Variants in FARS2 observed in about 807,000 individuals in gnomAD.
FARS2 encodes the protein phenylalanine--tRNA ligase, mitochondrial.
A neutral mutation model predicts 46.4 loss-of-function variants in FARS2; 40 were observed. That is an observed-to-expected ratio of 0.86 (90% CI 0.67 to 1.12). The LOEUF (loss-of-function observed/expected upper bound fraction) is 1.12, where lower values mean the gene tolerates loss of function less well. Among genes scored for constraint, FARS2 ranks in the 50% most tolerant of loss-of-function variants. FARS2 has a pLI of 0.00. For missense variants in FARS2, 513 were observed against 567.9 expected, an observed-to-expected ratio of 0.90 and a Z score of 0.98; for synonymous variants, 234 against 214.9, an observed-to-expected ratio of 1.09 and a Z score of -0.78.
chr6:5,331,808 C>G (rs1770816643), intron 1 of FARS2, among the ~76,000 whole-genome samples: 1 of 152,182 alleles, frequency 6.6e-6, no homozygotes, highest in Non-Finnish European at 1.5e-5. Context: ...TCTATAGTCG[C>G]TGGTCTTGGA....
At chr6:5,285,496 A>C (rs912785473) in intron 1 of FARS2, among the ~76,000 whole-genome samples, 1 of 152,166 alleles carries the variant, frequency 6.6e-6, no homozygotes, top group Admixed American at 6.5e-5. Context: ...TACTTTTGAG[A>C]GACTCGTAAA....
At chr6:5,577,568 G>A (rs1254378494) in intron 5 of FARS2, among the ~76,000 whole-genome samples, 1 of 152,134 alleles carries the variant, frequency 6.6e-6, no homozygotes, top group African/African-American at 2.4e-5. Context: ...TGTTGAACTT[G>A]ATGTACTTTT....
intron 6 of FARS2, among the ~76,000 whole-genome samples, chr6:5,754,151 T>C (rs569348725): frequency 6.6e-6 from 1 of 152,338 alleles, no homozygotes; most frequent in Admixed American, 6.5e-5. Context: ...CATACACATA[T>C]ATCTATCTGA....
chr6:5,641,669 A>G (rs1172630055), intron 6 of FARS2, among the ~76,000 whole-genome samples: 1 of 152,232 alleles, frequency 6.6e-6, no homozygotes, highest in Non-Finnish European at 1.5e-5. Context: ...AATGAAACTC[A>G]GGATTGATGT....
At chr6:5,251,517 G>A in the FARS2 span, among the ~76,000 whole-genome samples, 2 of 152,290 alleles carry the variant, frequency 1.3e-5, no homozygotes, top group African/African-American at 4.8e-5. Flanking sequence ...ACAGGCCAGA[G>A]CAGGAGCAAG....
intron 4 of FARS2, among the ~76,000 whole-genome samples, chr6:5,476,285 G>A (rs450366): frequency 0.47 from 71,060 of 151,564 alleles, 17,971 homozygotes; most frequent in African/African-American, 0.67. Flanking sequence ...CCTTTGAGTC[G>A]TGTTTTCTAT....
At chr6:5,346,825 G>T (rs1023145146) in intron 1 of FARS2, among the ~76,000 whole-genome samples, 1 of 151,486 alleles carries the variant, frequency 6.6e-6, no homozygotes. Context: ...TAATTAGCTG[G>T]AGTTCAACAT....
At chr6:5,741,323 T>A (rs1761323130) in intron 6 of FARS2, among the ~76,000 whole-genome samples, 1 of 152,224 alleles carries the variant, frequency 6.6e-6, no homozygotes, top group Non-Finnish European at 1.5e-5. Context: ...GGCGTGTGGA[T>A]GCTATGGGAA....
At chr6:5,402,784 G>A (rs991833728) in intron 2 of FARS2, among the ~76,000 whole-genome samples, 1 of 151,928 alleles carries the variant, frequency 6.6e-6, no homozygotes, top group East Asian at 1.9e-4. Context: ...ACTTCAAATT[G>A]GGCATGCTTT....
At chr6:5,295,769 C>T (rs1413541228) in intron 1 of FARS2, among the ~76,000 whole-genome samples, 2 of 152,164 alleles carry the variant, frequency 1.3e-5, no homozygotes, top group Non-Finnish European at 2.9e-5. Flanking sequence ...CATCTTCATC[C>T]TGTTGCAGTG....
At chr6:5,756,136 G>T (rs989979103) in intron 6 of FARS2, among the ~76,000 whole-genome samples, 17 of 152,164 alleles carry the variant, frequency 1.1e-4, no homozygotes, top group African/African-American at 4.1e-4. Flanking sequence ...TCAGGTGAAG[G>T]TTAAAATCTA....
chr6:5,268,865 C>T (rs1413720719), intron 1 of FARS2, among the ~76,000 whole-genome samples: 2 of 152,032 alleles, frequency 1.3e-5, no homozygotes, highest in Non-Finnish European at 2.9e-5. Context: ...TGTTTGTGTC[C>T]TCTTTTATTT....
At chr6:5,298,146 C>T (rs1768026670) in intron 1 of FARS2, among the ~76,000 whole-genome samples, 2 of 152,236 alleles carry the variant, frequency 1.3e-5, no homozygotes, top group African/African-American at 4.8e-5. Context: ...CTCAGAGTCA[C>T]AGTGGGGCTG....
chr6:5,292,741 A>G (rs1767590761), intron 1 of FARS2, among the ~76,000 whole-genome samples: 1 of 152,174 alleles, frequency 6.6e-6, no homozygotes, highest in South Asian at 2.1e-4. Flanking sequence ...AAATACAAAT[A>G]TTTAAGAGAC....
rs1554128848 is a variant in FARS2, at chr6:5,717,908, C to CCATATA, written c.1218-53383_1218-53382insCATATA. ...AGGCATGAAAATGAGAAGGTATCAG[C>CCATATA]TATATATATATATATATATATATAT... On this transcript the variant is annotated intron_variant, in intron 6 of 6. Transcript: ENST00000274680. 6.4e-5 allele frequency among the ~76,000 whole-genome samples: 5 copies of CCATATA among 77,702 alleles called. 1 individual carries two copies. The highest frequency in any genetic ancestry group is 2.1e-4 in the African/African-American group (5 of 24,054). 51.0% of individuals were successfully genotyped at this position (77,702 alleles called of 152,430 possible). A position where few individuals can be genotyped will look rare whatever the true frequency, so the allele number is the denominator to read the frequency against.
rs907497648 is a variant in FARS2 at position 5,692,076 on chromosome 6, T to A, written c.1217+78756T>A. 2.6e-5 allele frequency among the ~76,000 whole-genome samples: 4 copies of A among 152,312 alleles called. No individual in the cohort carries two copies. In the East Asian group the frequency reaches 5.8e-4, roughly 22 times the overall value. ...GGTGGGAGTGACCCGATTTTCCAGG[T>A]GCCATCTGTCACCCCTTTCTTTGAC... On this transcript the variant is annotated intron_variant, in intron 6 of 6. Transcript: ENST00000274680.
At chr6:5,394,788 A>G (rs891895404) in intron 2 of FARS2, among the ~76,000 whole-genome samples, 2 of 152,000 alleles carry the variant, frequency 1.3e-5, no homozygotes, top group African/African-American at 4.8e-5. Flanking sequence ...AAAAAAAAGC[A>G]TTTGGTGTCC....
intron 5 of FARS2, among the ~76,000 whole-genome samples, chr6:5,567,743 CA>C (rs1237256688): frequency 6.6e-6 from 1 of 152,242 alleles, no homozygotes; most frequent in African/African-American, 2.4e-5. Context: ...AATCCATCCC[CA>C]ACATCATCTT....
intron 6 of FARS2, among the ~76,000 whole-genome samples, chr6:5,707,176 G>T (rs1207847725): frequency 2.6e-5 from 4 of 152,038 alleles, no homozygotes; most frequent in African/African-American, 9.7e-5. Flanking sequence ...GCAGTTTCCT[G>T]TTGATCCCTG....
Sources: gnomAD v4.1 joint callset for allele counts (sites outside exome capture counted in the v4.1 genomes callset) on GRCh38, gnomAD v4.1.1 for gene constraint, MANE v1.5 for transcripts, NCBI Gene and HGNC (gene_info 2026-07-23, HGNC 2026-07-21) for gene names.